Variants in CALM2 observed in about 807,000 individuals in gnomAD.
CALM2 encodes the protein calmodulin-2.
Under a neutral mutation model 19.8 loss-of-function variants are expected in CALM2, and 2 were observed. The observed-to-expected ratio is 0.10, with a 90% CI of 0.04 to 0.32. CALM2 has a LOEUF of 0.32. Ranked by LOEUF, CALM2 falls within the 10% of genes least tolerant of loss-of-function variation. The pLI, the probability that CALM2 is intolerant of heterozygous loss-of-function variation, is 1.00. For missense variants in CALM2, 38 were observed against 178.7 expected (o/e 0.21, Z 4.49); for synonymous variants, 51 against 52.1 (o/e 0.98, Z 0.09).
chr2:47,175,924 G>A (rs1666848795), intron 1 of CALM2, among the ~76,000 whole-genome samples: 1 of 150,764 alleles, frequency 6.6e-6, no homozygotes, highest in Admixed American at 6.6e-5. Flanking sequence ...GAGGACGCGG[G>A]CTAACTGCGA....
chr2:47,162,170 T>TC, intron 4 of CALM2, 116 bp downstream of exon 4: 1 of 154,364 alleles, frequency 6.5e-6, no homozygotes, highest in Non-Finnish European at 1.1e-5. Context: ...TGGTAAATCA[T>TC]CAAAAAAAAA....
At chr2:47,174,359 C>T (rs1573232070) in intron 1 of CALM2, among the ~76,000 whole-genome samples, 1 of 152,084 alleles carries the variant, frequency 6.6e-6, no homozygotes, top group East Asian at 1.9e-4. Flanking sequence ...CCAAGATGAT[C>T]CTCCTGCCTC....
chr2:47,175,686 C>A (rs528465070), intron 1 of CALM2, among the ~76,000 whole-genome samples: 1 of 151,008 alleles, frequency 6.6e-6, no homozygotes, highest in African/African-American at 2.4e-5. Flanking sequence ...AGGCCCCCCT[C>A]CCCCGCCCAT....
intron 1 of CALM2, among the ~76,000 whole-genome samples, chr2:47,175,836 C>T (rs1416994666): frequency 6.8e-6 from 1 of 147,910 alleles, no homozygotes; most frequent in Admixed American, 6.7e-5. Flanking sequence ...CCCCACCGGC[C>T]GCTCCCTGCG....
In CALM2 at chr2:47,160,392, G is replaced by C. The variant is rs932517589; in HGVS notation, c.*384C>G. 3.6e-5 allele frequency: 6 copies of C among 167,426 alleles called. No homozygotes were observed. The highest frequency in any genetic ancestry group is 6.4e-5 in the Non-Finnish European group (5 of 78,256). 10.4% of individuals were successfully genotyped at this position (167,426 alleles called of 1,614,324 possible). ...GTGCAACTTTTAAGTACATATTGTT[G>C]ACTGTCCATAGTCCACGCAGAGTTA... is the stretch of plus-strand genomic sequence containing the variant. On this transcript the variant is annotated 3_prime_UTR_variant, in exon 6 of 6. Transcript: ENST00000272298.
chr2:47,171,500 T>G (rs1666666894), intron 1 of CALM2: 1 of 152,226 alleles, frequency 6.6e-6, no homozygotes, highest in Admixed American at 6.5e-5. Context: ...TAAGTGGGAT[T>G]GGGGCACAGA....
chr2:47,175,055 A>G (rs1666801282), intron 1 of CALM2, among the ~76,000 whole-genome samples: 1 of 143,598 alleles, frequency 7.0e-6, no homozygotes, highest in Non-Finnish European at 1.5e-5. Context: ...CAAAGTAAGT[A>G]TCACAGATCA....
intron 1 of CALM2, among the ~76,000 whole-genome samples, chr2:47,175,701 G>A (rs568525397): frequency 1.8e-3 from 261 of 144,418 alleles, no homozygotes; most frequent in African/African-American, 6.3e-3. Flanking sequence ...GCCCATCCCC[G>A]CCAATGGCCC....
intron 2 of CALM2, among the ~76,000 whole-genome samples, chr2:47,165,965 G>C (rs1666456726): frequency 6.6e-6 from 1 of 152,100 alleles, no homozygotes; most frequent in African/African-American, 2.4e-5. Flanking sequence ...ATCGTCCTTT[G>C]CCAGGGCTAT....
rs754758463 is a variant in CALM2, at chr2:47,176,477, A to C, written c.-34T>G. The C allele has an allele frequency of 1.1e-5, 17 of 1,613,462 alleles. No individual in the cohort carries two copies. The South Asian group carries it at 1.3e-4, about 13-fold the overall frequency. On this transcript the variant is annotated 5_prime_UTR_variant, in exon 1 of 6. Coordinates refer to ENST00000272298, the MANE Select transcript of CALM2 (RefSeq NM_001743.6). Reference sequence around the variant, plus strand: ...CGCTACCGGTTTCCGAGACGCGACCACACAACCACTCAGCTCGCTCTCTCC... The same window carrying C: ...CGCTACCGGTTTCCGAGACGCGACCCCACAACCACTCAGCTCGCTCTCTCC...
At chr2:47,174,395 C>T (rs560850717) in intron 1 of CALM2, among the ~76,000 whole-genome samples, 2 of 152,228 alleles carry the variant, frequency 1.3e-5, no homozygotes, top group South Asian at 4.1e-4. Flanking sequence ...CAGGACTACA[C>T]GCACAGGCCA....
intron 5 of CALM2, among the ~76,000 whole-genome samples, chr2:47,161,316 C>G (rs1231840599): frequency 6.6e-6 from 1 of 152,026 alleles, no homozygotes; most frequent in Non-Finnish European, 1.5e-5. Flanking sequence ...CAGACTAAAG[C>G]CAATTAAAGA....
At chr2:47,167,829 T>C in intron 2 of CALM2, 2 of 103,472 alleles carry the variant, frequency 1.9e-5, no homozygotes, top group African/African-American at 3.0e-5. Flanking sequence ...AGACAGGGTC[T>C]TGCTGTGTTG....
At chr2:47,166,685 A>T (rs1245148436) in intron 2 of CALM2, among the ~76,000 whole-genome samples, 1 of 152,180 alleles carries the variant, frequency 6.6e-6, no homozygotes, top group South Asian at 2.1e-4. Context: ...ATTTTAATTC[A>T]CCTGCCTTTA....
At chr2:47,165,956 T>A (rs1666456438) in intron 2 of CALM2, among the ~76,000 whole-genome samples, 1 of 152,242 alleles carries the variant, frequency 6.6e-6, no homozygotes, top group Admixed American at 6.5e-5. Flanking sequence ...CAAGGCTCCA[T>A]CGTCCTTTGC....
rs1391781471 is a variant in CALM2 at position 47,162,815 on chromosome 2, G to A, written c.35-153C>T. The A allele has an allele frequency of 5.9e-5, 34 of 579,378 alleles. No individual in the cohort carries two copies. The East Asian group carries it at 7.8e-4, about 13-fold the overall frequency. The allele number at this position is 579,378 out of a possible 1,614,324, so 35.9% of individuals were successfully genotyped here. On this transcript the variant is annotated intron_variant, in intron 2 of 5. Coordinates refer to ENST00000272298, the MANE Select transcript of CALM2 (RefSeq NM_001743.6). ...GCCTGGCCAAACTGTAAGACCCCAC[G>A]TCTCAGAAAAACCCAAAAACTTTTA... is the stretch of plus-strand genomic sequence containing the variant.
At chr2:47,176,536 C>A (rs573210034), upstream of CALM2, 1 of 1,579,126 alleles carries the variant, frequency 6.3e-7, no homozygotes, top group South Asian at 1.2e-5. Flanking sequence ...GCCCCCAGCG[C>A]CTCATAAACA....
rs370625997 is a variant in CALM2 at position 47,176,492 on chromosome 2, T to C, written c.-49A>G. The C allele has an allele frequency of 4.3e-6, 7 of 1,612,036 alleles. No individual in the cohort carries two copies. In the South Asian group the frequency reaches 7.7e-5, roughly 18 times the overall value. On this transcript the variant is annotated 5_prime_UTR_variant, in exon 1 of 6. Transcript: ENST00000272298. ...AGACGCGACCACACAACCACTCAGC[T>C]CGCTCTCTCCACTCGGACTAATTCG...
chr2:47,174,199 G>C (rs922480018), intron 1 of CALM2: 7 of 152,146 alleles, frequency 4.6e-5, no homozygotes, highest in Admixed American at 2.0e-4. Context: ...AGAGTTACAT[G>C]AGCAATCTTA....
Sources: gnomAD v4.1 joint callset for allele counts (sites outside exome capture counted in the v4.1 genomes callset) on GRCh38, gnomAD v4.1.1 for gene constraint, MANE v1.5 for transcripts, NCBI Gene and HGNC (gene_info 2026-07-23, HGNC 2026-07-21) for gene names.